SRF: variants seen among roughly 807,000 people sequenced by gnomAD.
The protein encoded by SRF is serum response factor.
SRF carries 7 observed loss-of-function variants against 37.1 expected under a neutral mutation model. The observed-to-expected ratio is 0.19, with a 90% confidence interval of 0.11 to 0.35. SRF has a LOEUF of 0.35. SRF is among the 10% of genes least tolerant of loss of function. SRF has a pLI of 1.00. For synonymous variants in SRF, 285 were observed against 310.1 expected, an observed-to-expected ratio of 0.92 and a Z score of 0.85; for missense variants, 395 against 694.4, an observed-to-expected ratio of 0.57 and a Z score of 4.85.
At chr6:43,177,395 A>G (rs963839133) in intron 4 of SRF, among the ~76,000 whole-genome samples, 3 of 151,156 alleles carry the variant, frequency 2.0e-5, no homozygotes, top group Non-Finnish European at 4.4e-5. Context: ...ACACCTGGCT[A>G]ATTTTTTTGT....
In SRF at chr6:43,173,741, A is replaced by T. The variant is rs1772148315; in HGVS notation, c.514-106A>T. The stretch of plus-strand genomic sequence containing the variant: ...AGAGTCATTAGAGACGAAGGTCATT[A>T]TGGGAATGGGGGAATGACATCACTG... On this transcript the variant is annotated intron_variant, in intron 1 of 6. Transcript: ENST00000265354. This position sits in a 1 kb window ranked among gnomAD's most constrained non-coding sequence, Gnocchi z 4.2. 1 of 1,431,440 alleles carries T rather than the reference A, an allele frequency of 7.0e-7. No homozygotes were observed. The highest frequency in any genetic ancestry group is 1.4e-5 in the African/African-American group (1 of 70,600). The allele number at this position is 1,431,440 out of a possible 1,614,324, so 88.7% of individuals were successfully genotyped here.
Position 43,176,464 on chromosome 6 carries a change from C to T in SRF, c.1043-84C>T, listed in dbSNP as rs1233460700. ...GGGAGTTGGAGACCAGTGTGCCAGACCCTGGGACTGGGGTGTCCATGGGTA... is the reference window on the plus strand; with the variant it reads ...GGGAGTTGGAGACCAGTGTGCCAGATCCTGGGACTGGGGTGTCCATGGGTA... On this transcript the variant is annotated intron_variant, in intron 3 of 6. Transcript: ENST00000265354. This position sits in a 1 kb window ranked among gnomAD's most constrained non-coding sequence, Gnocchi z 4.0. 2.5e-6 allele frequency: 4 copies of T among 1,573,654 alleles called. No individual in the cohort carries two copies. Among genetic ancestry groups the T allele is most frequent in the African/African-American group, 2.7e-5 (2 of 74,250 alleles).
Position 43,171,357 on chromosome 6 carries a change from G to A in SRF, c.-300G>A, listed in dbSNP as rs936039233. ...CCCGGCCCCCTCCACCCGCCGTCTC[G>A]GCCGCGGCCAGCAGCCCCTGCCCCC... On this transcript the variant is annotated 5_prime_UTR_variant, in exon 1 of 7. Transcript: ENST00000265354. The surrounding 1 kb of genome is among the most constrained non-coding windows in gnomAD (Gnocchi z 6.5). 15 of 194,976 alleles carry A rather than the reference G, an allele frequency of 7.7e-5. No individual in the cohort carries two copies. The highest frequency in any genetic ancestry group is 1.8e-4 in the Admixed American group (3 of 16,538). 12.1% of individuals were successfully genotyped at this position (194,976 alleles called of 1,614,324 possible). A position where few individuals can be genotyped will look rare whatever the true frequency, so the allele number is the denominator to read the frequency against.
rs1369440371 is a variant in SRF, at chr6:43,172,953, AAGG to A, written c.513+787_513+789del. 1.3e-5 allele frequency among the ~76,000 whole-genome samples: 2 copies of A among 152,150 alleles called. No individual in the cohort carries two copies. Among genetic ancestry groups the A allele is most frequent in the Non-Finnish European group, 2.9e-5 (2 of 68,028 alleles). Reference sequence around the variant, plus strand: ...GCCAGCCAGTGAAAAGTGTTGAGGAAAGGAGTCATTTTGGGGTGTAGACGATAA... The same window carrying A: ...GCCAGCCAGTGAAAAGTGTTGAGGAAAGTCATTTTGGGGTGTAGACGATAA... On this transcript the variant is annotated intron_variant, in intron 1 of 6. Coordinates refer to ENST00000265354, the MANE Select transcript of SRF (RefSeq NM_003131.4). The surrounding 1 kb of genome is among the most constrained non-coding windows in gnomAD (Gnocchi z 5.7).
Position 43,178,938 on chromosome 6 carries a change from T to C in SRF, c.1431+56T>C. 6.3e-7 allele frequency: 1 copy of C among 1,592,814 alleles called. No individual in the cohort carries two copies. Among genetic ancestry groups the C allele is most frequent in the South Asian group, 1.1e-5 (1 of 90,628 alleles). On this transcript the variant is annotated intron_variant, in intron 6 of 6. Transcript: ENST00000265354. The surrounding 1 kb of genome is among the most constrained non-coding windows in gnomAD (Gnocchi z 4.3). The stretch of plus-strand genomic sequence containing the variant: ...GATAGCCACTTCTTTGTCTTGACCT[T>C]AGGGGATCCTGTTACCAGTTCATCA...
chr6:43,171,274 T>G lies in SRF; in HGVS notation c.-383T>G. On this transcript the variant is annotated 5_prime_UTR_variant, in exon 1 of 7. Transcript: ENST00000265354. The surrounding 1 kb of genome is among the most constrained non-coding windows in gnomAD (Gnocchi z 6.5). ...AGCGGCCTCGCCATAAAAGGAAACA[T>G]TGTATCTCTTTATATGGGGGGAAGG... The G allele has an allele frequency of 1.3e-5, 2 of 154,100 alleles. No homozygotes were observed. Among genetic ancestry groups the G allele is most frequent in the East Asian group, 1.9e-4 (1 of 5,246 alleles). 9.5% of individuals were successfully genotyped at this position (154,100 alleles called of 1,614,324 possible). A position where few individuals can be genotyped will look rare whatever the true frequency, so the allele number is the denominator to read the frequency against.
Position 43,171,445 on chromosome 6 carries a change from G to T in SRF, c.-212G>T. The stretch of plus-strand genomic sequence containing the variant: ...CAGACGGACAGGGGGCGCTGCGCGC[G>T]GCCTGGGGCAACCCGGGCCACAGGG... On this transcript the variant is annotated 5_prime_UTR_variant, in exon 1 of 7. Coordinates refer to ENST00000265354, the MANE Select transcript of SRF (RefSeq NM_003131.4). This position sits in a 1 kb window ranked among gnomAD's most constrained non-coding sequence, Gnocchi z 6.5. The T allele has an allele frequency of 2.8e-6, 1 of 359,450 alleles. No individual in the cohort carries two copies. The highest frequency in any genetic ancestry group is 4.5e-6 in the Non-Finnish European group (1 of 222,270). 22.3% of individuals were successfully genotyped at this position (359,450 alleles called of 1,614,324 possible).
At chr6:43,175,116 T>G (rs954185947) in intron 2 of SRF, among the ~76,000 whole-genome samples, 1 of 152,212 alleles carries the variant, frequency 6.6e-6, no homozygotes, top group African/African-American at 2.4e-5. Flanking sequence ...TCTCTCAAAC[T>G]CTTAAGTTCC....
chr6:43,171,939 C>A lies in SRF; in HGVS notation c.283C>A (p.Arg95=). The change falls in exon 1 of 7, where the codon CGG becomes AGG. Residue 95 remains arginine (R), a synonymous_variant. Transcript: ENST00000265354. This position sits in a 1 kb window ranked among gnomAD's most constrained non-coding sequence, Gnocchi z 6.5. ...CGAGGAGGAGGAGCTGGGCGCCGAGCGGCGCGGCCTGAAGCGGAGCCTGAG... is the reference window on the plus strand; with the variant it reads ...CGAGGAGGAGGAGCTGGGCGCCGAGAGGCGCGGCCTGAAGCGGAGCCTGAG... The part of the protein sequence containing the change: ...SGEEEELGAE[R]RGLKRSLSEM... 1 of 1,477,116 alleles carries A rather than the reference C, an allele frequency of 6.8e-7. No individual in the cohort carries two copies. Among genetic ancestry groups the A allele is most frequent in the Non-Finnish European group, 9.0e-7 (1 of 1,114,294 alleles). 91.5% of individuals were successfully genotyped at this position (1,477,116 alleles called of 1,614,324 possible). A position where few individuals can be genotyped will look rare whatever the true frequency, so the allele number is the denominator to read the frequency against.
rs1194490279 is a variant in SRF at position 43,172,958 on chromosome 6, G to T, written c.513+789G>T. On this transcript the variant is annotated intron_variant, in intron 1 of 6. Transcript: ENST00000265354. This position sits in a 1 kb window ranked among gnomAD's most constrained non-coding sequence, Gnocchi z 5.7. ...CCAGTGAAAAGTGTTGAGGAAAGGA[G>T]TCATTTTGGGGTGTAGACGATAAGG... Among the ~76,000 whole-genome samples the T allele has an allele frequency of 6.6e-6, 1 of 152,198 alleles. No individual in the cohort carries two copies. The highest frequency in any genetic ancestry group is 6.5e-5 in the Admixed American group (1 of 15,276).
intron 2 of SRF, 93 bp from the exon 3 acceptor site, chr6:43,175,613 A>G: frequency 6.5e-7 from 1 of 1,541,430 alleles, no homozygotes; most frequent in South Asian, 1.2e-5. Context: ...ACCCAAGCTC[A>G]CTGGTTTCAG....
chr6:43,172,032 CCGGTGAGCGGCG>C lies in SRF; in HGVS notation c.387_398del (p.Val131_Ala134del), dbSNP rs761973193. The C allele has an allele frequency of 3.8e-6, 6 of 1,595,940 alleles. No individual in the cohort carries two copies. Among genetic ancestry groups the C allele is most frequent in the South Asian group, 3.3e-5 (3 of 89,732 alleles). The stretch of plus-strand genomic sequence containing the variant: ...GGCAGCGGCCACCGGGGGCTACGGG[CCGGTGAGCGGCG>C]CGGTGAGCGGGGCCAAGCCGGGTAA... On this transcript the variant is annotated inframe_deletion, in exon 1 of 7. Transcript: ENST00000265354. This position sits in a 1 kb window ranked among gnomAD's most constrained non-coding sequence, Gnocchi z 5.7.
intron 4 of SRF, among the ~76,000 whole-genome samples, chr6:43,177,684 G>C (rs1017787038): frequency 6.6e-6 from 1 of 151,470 alleles, no homozygotes; most frequent in South Asian, 2.1e-4. Context: ...GGGAGGCCGA[G>C]GGGGGCAGAT....
At chr6:43,177,879 C>T (rs1313090569) in intron 4 of SRF, among the ~76,000 whole-genome samples, 1 of 146,154 alleles carries the variant, frequency 6.8e-6, no homozygotes, top group Non-Finnish European at 1.5e-5. Flanking sequence ...CGCGCCACTG[C>T]ACCCCAGCCT....
rs1268885725 is a variant in SRF, at chr6:43,173,594, T to C, written c.514-253T>C. Among the ~76,000 whole-genome samples the C allele has an allele frequency of 1.3e-5, 2 of 152,096 alleles. No homozygotes were observed. The highest frequency in any genetic ancestry group is 2.9e-5 in the Non-Finnish European group (2 of 68,006). ...CTTCGTATCCCCTGAAGTTATATGT[T>C]CCATCACTGGGGGCTGTTACTGTTT... On this transcript the variant is annotated intron_variant, in intron 1 of 6. Coordinates refer to ENST00000265354, the MANE Select transcript of SRF (RefSeq NM_003131.4). This position sits in a 1 kb window ranked among gnomAD's most constrained non-coding sequence, Gnocchi z 4.2.
At chr6:43,177,847 G>A (rs1360035309) in intron 4 of SRF, among the ~76,000 whole-genome samples, 5 of 150,828 alleles carry the variant, frequency 3.3e-5, no homozygotes, top group East Asian at 2.0e-4. Context: ...CCCAGGAGGC[G>A]GAGCTTGCAG....
chr6:43,177,228 G>GTGTTTTTTTTTTTT (rs1772214515), intron 4 of SRF, among the ~76,000 whole-genome samples: 1 of 116,848 alleles, frequency 8.6e-6, no homozygotes, highest in Admixed American at 9.0e-5. Flanking sequence ...ATCGGAGTCT[G>GTGTTTTTTTTTTTT]TTTTTTTTTT....
Position 43,175,927 on chromosome 6 carries a change from G to A in SRF, c.1002G>A (p.Gly334=). 1 of 1,614,026 alleles carries A rather than the reference G, an allele frequency of 6.2e-7. No homozygotes were observed. The highest frequency in any genetic ancestry group is 8.5e-7 in the Non-Finnish European group (1 of 1,179,980). Residue 334 remains glycine (G), a synonymous_variant, in exon 3 of 7, where the codon GGG becomes GGA. Coordinates refer to ENST00000265354, the MANE Select transcript of SRF (RefSeq NM_003131.4). The part of the protein sequence containing the change: ...KSTGSGPVSS[G]GLMQLPTSFT... Reference sequence around the variant, plus strand: ...CAGGCAGCGGCCCTGTCTCCTCTGGGGGCCTTATGCAGCTGCCTACCAGCT... The same window carrying A: ...CAGGCAGCGGCCCTGTCTCCTCTGGAGGCCTTATGCAGCTGCCTACCAGCT...
rs1440332530 is a variant in SRF, at chr6:43,173,512, G to A, written c.514-335G>A. ...CTGGTCCCTGTGACAGTGAGAAGGG[G>A]TGAGGCTCTGGGACATTCCAGGCAC... On this transcript the variant is annotated intron_variant, in intron 1 of 6. Transcript: ENST00000265354. This position sits in a 1 kb window ranked among gnomAD's most constrained non-coding sequence, Gnocchi z 4.2. Among the ~76,000 whole-genome samples, 1 of 152,198 alleles carries A rather than the reference G, an allele frequency of 6.6e-6. No homozygotes were observed. Among genetic ancestry groups the A allele is most frequent in the Non-Finnish European group, 1.5e-5 (1 of 68,044 alleles).
Sources: allele counts gnomAD v4.1 joint callset (sites outside exome capture counted in the v4.1 genomes callset), GRCh38; gene constraint gnomAD v4.1.1; non-coding constraint Gnocchi (gnomAD v3.1); transcripts MANE v1.5; gene names NCBI Gene and HGNC (gene_info 2026-07-23, HGNC 2026-07-21).